Variants in CAPN2 observed in about 807,000 individuals in gnomAD.
CAPN2 encodes calpain-2 catalytic subunit.
A neutral mutation model predicts 102.3 loss-of-function variants in CAPN2; 92 were observed. The ratio of observed to expected loss-of-function variants is 0.90; its 90% confidence interval spans 0.76 to 1.07. The LOEUF (loss-of-function observed/expected upper bound fraction) is 1.07, where lower values mean the gene tolerates loss of function less well. Ranked by LOEUF, CAPN2 falls within the 50% of genes least tolerant of loss-of-function variation. The pLI is 0.00. For synonymous variants in CAPN2, 340 were observed against 355.4 expected, an observed-to-expected ratio of 0.96 and a Z score of 0.49; for missense variants, 800 against 909.4, an observed-to-expected ratio of 0.88 and a Z score of 1.55.
At chr1:223,751,037 A>G (rs747128999) in intron 7 of CAPN2, 62 bp downstream of exon 7, 3 of 1,316,026 alleles carry the variant, frequency 2.3e-6, no homozygotes, top group South Asian at 1.3e-5. Context: ...AGGCTCTGGG[A>G]AGAGGGCGAG....
chr1:223,745,470 C>T lies in CAPN2; in HGVS notation c.560+31C>T, dbSNP rs549157315. 4.3e-6 allele frequency: 7 copies of T among 1,613,526 alleles called. No individual in the cohort carries two copies. The Admixed American group carries it at 5.0e-5, about 12-fold the overall frequency. On this transcript the variant is annotated intron_variant, in intron 4 of 20. Coordinates refer to ENST00000295006, the MANE Select transcript of CAPN2 (RefSeq NM_001748.5). ...TTGCCATCCTCCCCTGGCCCCATGG[C>T]CTTCCCCCAATGCCCTGGATTCCAA...
At chr1:223,741,863 A>G (rs1660626598) in intron 2 of CAPN2, among the ~76,000 whole-genome samples, 1 of 151,612 alleles carries the variant, frequency 6.6e-6, no homozygotes, top group South Asian at 2.1e-4. Context: ...TGCAGACTCC[A>G]TCTCCTGGGT....
chr1:223,743,276 C>T (rs535083620), intron 2 of CAPN2, among the ~76,000 whole-genome samples: 1 of 152,320 alleles, frequency 6.6e-6, no homozygotes, highest in South Asian at 2.1e-4. Context: ...ACCTCTGCCC[C>T]TCCGCACAGA....
intron 12 of CAPN2, among the ~76,000 whole-genome samples, chr1:223,760,477 G>A (rs1328947022): frequency 6.6e-6 from 1 of 152,186 alleles, no homozygotes; most frequent in Non-Finnish European, 1.5e-5. Flanking sequence ...ACCAATGAAT[G>A]CCACCATAGC....
intron 11 of CAPN2, chr1:223,758,064 G>T (rs1222077): frequency 0.27 from 41,644 of 151,842 alleles, 9,784 homozygotes; most frequent in African/African-American, 0.64. Flanking sequence ...TTTCACCATG[G>T]TGGCCAGGCT....
At chr1:223,773,399 A>C (rs1661531846) in intron 20 of CAPN2, 1 of 152,254 alleles carries the variant, frequency 6.6e-6, no homozygotes, top group Admixed American at 6.5e-5. Flanking sequence ...TCTACTGAAA[A>C]TACAAAAATT....
At chr1:223,719,831 T>TGTGTGTGC (rs1491465648) in intron 2 of CAPN2, among the ~76,000 whole-genome samples, 7,033 of 96,602 alleles carry the variant, frequency 0.073, 203 homozygotes, top group Non-Finnish European at 0.11. Flanking sequence ...TGTGTGTGTG[T>TGTGTGTGC]GCGCGCGCGC....
In CAPN2 at chr1:223,772,166, T is replaced by C. The variant is rs1395732437; in HGVS notation, c.2021-15T>C. On this transcript the variant is annotated splice_polypyrimidine_tract_variant and intron_variant, in intron 19 of 20. Transcript: ENST00000295006. ...GCTCACTCACTTGTGACACCCTCTT[T>C]TTCTCCCTCCACAGAGATATTTAAG... 3 of 1,613,426 alleles carry C rather than the reference T, an allele frequency of 1.9e-6. No individual in the cohort carries two copies. Among genetic ancestry groups the C allele is most frequent in the Non-Finnish European group, 2.5e-6 (3 of 1,179,472 alleles).
intron 2 of CAPN2, among the ~76,000 whole-genome samples, chr1:223,735,858 C>T (rs1425751409): frequency 6.6e-6 from 1 of 151,864 alleles, no homozygotes; most frequent in African/African-American, 2.4e-5. Flanking sequence ...CAGCTCACTA[C>T]AACCCCCACC....
intron 11 of CAPN2, 151 bp downstream of exon 11, chr1:223,757,531 C>A: frequency 2.4e-6 from 2 of 816,610 alleles, no homozygotes; most frequent in Non-Finnish European, 2.1e-6. Context: ...GCTGAAGTTG[C>A]CCAGGCTCTA....
chr1:223,755,335 C>G lies in CAPN2; in HGVS notation c.1136-145C>G. ...TCTGCCATCTCCCACCATCCCCCACCACCTCTTACCATCTCCCACCACCTC... is the reference window on the plus strand; with the variant it reads ...TCTGCCATCTCCCACCATCCCCCACGACCTCTTACCATCTCCCACCACCTC... On this transcript the variant is annotated intron_variant, in intron 9 of 20. Coordinates refer to ENST00000295006, the MANE Select transcript of CAPN2 (RefSeq NM_001748.5). This position sits in a 1 kb window ranked among gnomAD's most constrained non-coding sequence, Gnocchi z 4.1. 1.4e-6 allele frequency: 1 copy of G among 718,868 alleles called. No individual in the cohort carries two copies. Among genetic ancestry groups the G allele is most frequent in the African/African-American group, 1.8e-5 (1 of 55,476 alleles). 44.5% of individuals were successfully genotyped at this position (718,868 alleles called of 1,614,324 possible).
chr1:223,772,270 G>A (rs749807147), intron 20 of CAPN2, 31 bp downstream of exon 20: 1 of 1,596,818 alleles, frequency 6.3e-7, no homozygotes, highest in Non-Finnish European at 8.6e-7. Flanking sequence ...TTGCTTCTAA[G>A]GGGATGGGGG....
At chr1:223,714,621 T>TAAAAAAAAAAAAAA (rs373544472) in intron 1 of CAPN2, among the ~76,000 whole-genome samples, 1 of 130,954 alleles carries the variant, frequency 7.6e-6, no homozygotes, top group Non-Finnish European at 1.6e-5. Context: ...TATAAAAAAG[T>TAAAAAAAAAAAAAA]AAAAAAAAAA....
rs1218235407 is a variant in CAPN2 at position 223,752,870 on chromosome 1, G to T, written c.1049G>T (p.Ser350Ile). 1 of 1,614,068 alleles carries T rather than the reference G, an allele frequency of 6.2e-7. No homozygotes were observed. The highest frequency in any genetic ancestry group is 8.5e-7 in the Non-Finnish European group (1 of 1,180,010). Residue 350 changes from serine (S) to isoleucine (I), a missense_variant, in exon 9 of 21, where the codon AGC becomes ATC. Physicochemically the swap from Ser to Ile is moderately radical, Grantham distance 142. Coordinates refer to ENST00000295006, the MANE Select transcript of CAPN2 (RefSeq NM_001748.5). ...AACCTGACCCCAGACACTCTCACCA[G>T]CGATACCTACAAGAAGTGGAAACTC... ...ICNLTPDTLTSDTYKKWKLTK... is the reference protein window; with the variant it reads ...ICNLTPDTLTIDTYKKWKLTK...
chr1:223,751,010 G>A lies in CAPN2; in HGVS notation c.899+35G>A, dbSNP rs764132987. On this transcript the variant is annotated intron_variant, in intron 7 of 20. Coordinates refer to ENST00000295006, the MANE Select transcript of CAPN2 (RefSeq NM_001748.5). ...GCGCAGGCCTCGGGGCCCCAGGCGG[G>A]GGTGCATTGTGCTGGGAGGCTCTGG... The A allele has an allele frequency of 2.7e-6, 4 of 1,500,428 alleles. No homozygotes were observed. The South Asian group carries it at 4.8e-5, about 18-fold the overall frequency. The allele number at this position is 1,500,428 out of a possible 1,614,324, so 92.9% of individuals were successfully genotyped here.
At position 223,759,534 on chromosome 1, in the gene CAPN2, G is replaced by T. The variant is rs1661134439; in HGVS notation, c.1529+53G>T. 4 of 1,511,582 alleles carry T rather than the reference G, an allele frequency of 2.6e-6. No individual in the cohort carries two copies. Among genetic ancestry groups the T allele is most frequent in the Non-Finnish European group, 3.7e-6 (4 of 1,092,832 alleles). 93.6% of individuals were successfully genotyped at this position (1,511,582 alleles called of 1,614,324 possible). ...CACCCTTCCCTGTCCCTCCCCACTG[G>T]TCTGTTCCTCGGCCCCTAGAGGGCT... On this transcript the variant is annotated intron_variant, in intron 12 of 20. Transcript: ENST00000295006. This position sits in a 1 kb window ranked among gnomAD's most constrained non-coding sequence, Gnocchi z 4.6.
intron 2 of CAPN2, among the ~76,000 whole-genome samples, chr1:223,724,978 C>T (rs779960497): frequency 5.9e-5 from 9 of 152,116 alleles, no homozygotes; most frequent in Non-Finnish European, 8.8e-5. Flanking sequence ...TGTCTCAAAA[C>T]AAACAGCTAA....
rs1342387308 is a variant in CAPN2 at position 223,724,674 on chromosome 1, G to A, written c.307+6843G>A. ...TCACATCAGAGCCAAACAATGCACA[G>A]ACGTCAATAAACAGGCAGGGCATGG... On this transcript the variant is annotated intron_variant, in intron 2 of 20. Transcript: ENST00000295006. 2.0e-5 allele frequency among the ~76,000 whole-genome samples: 3 copies of A among 152,338 alleles called. No individual in the cohort carries two copies. In the East Asian group the frequency reaches 5.8e-4, roughly 29 times the overall value.
upstream of CAPN2, among the ~76,000 whole-genome samples, chr1:223,708,938 G>C (rs942303590): frequency 1.4e-4 from 21 of 152,166 alleles, no homozygotes; most frequent in African/African-American, 5.1e-4. Flanking sequence ...TTCCAATTCA[G>C]AGAATCTGCA....
Sources: gnomAD v4.1 joint callset for allele counts (sites outside exome capture counted in the v4.1 genomes callset) on GRCh38, gnomAD v4.1.1 for gene constraint, Gnocchi (gnomAD v3.1) non-coding constraint, MANE v1.5 for transcripts, NCBI Gene and HGNC (gene_info 2026-07-23, HGNC 2026-07-21) for gene names.